MAP3K9: variants seen among roughly 807,000 people sequenced by gnomAD.
MAP3K9 encodes mitogen-activated protein kinase kinase kinase 9, also known as mixed lineage kinase 1 (tyr and ser/thr specificity).
A neutral mutation model predicts 95.8 loss-of-function variants in MAP3K9; 46 were observed. The ratio of observed to expected loss-of-function variants is 0.48; its 90% CI spans 0.38 to 0.61. The LOEUF (loss-of-function observed/expected upper bound fraction) is 0.61. Ranked by LOEUF, MAP3K9 falls within the 20% of genes least tolerant of loss-of-function variation. The pLI, the probability that MAP3K9 is intolerant of heterozygous loss-of-function variation, is 0.00. For missense variants in MAP3K9, 1,296 were observed against 1,474.3 expected (o/e 0.88, Z 1.98); for synonymous variants, 533 against 593.8 (o/e 0.90, Z 1.49).
rs368475670 is a variant in MAP3K9, at chr14:70,800,977, C to A, written c.510G>T (p.Val170=). The A allele has an allele frequency of 6.2e-6, 10 of 1,614,056 alleles. No homozygotes were observed. In the African/African-American group the frequency reaches 1.2e-4, roughly 19 times the overall value. The change falls in exon 2 of 12, where the codon GTG becomes GTT. Residue 170 remains valine (V), a synonymous_variant. Coordinates refer to ENST00000554752, the MANE Select transcript of MAP3K9 (RefSeq NM_001284230.2). The part of the protein sequence containing the change: ...RAFWIGDEVA[V]KAARHDPDED... ...CATCAGGGTCGTGGCGAGCTGCTTT[C>A]ACAGCAACCTCATCCCCTATCCAGA...
In MAP3K9 at chr14:70,725,178, C is replaced by T. The variant is rs184479811; in HGVS notation, c.*5202G>A. The stretch of plus-strand genomic sequence containing the variant: ...CAGGCTCCCCGTAGGGGATGGGGAA[C>T]CACAGACAGTAAGAATCAGGAAGGA... On this transcript the variant is annotated 3_prime_UTR_variant, in exon 12 of 12. Coordinates refer to ENST00000554752, the MANE Select transcript of MAP3K9 (RefSeq NM_001284230.2). 1 of 152,354 alleles carries T rather than the reference C, an allele frequency of 6.6e-6. No homozygotes were observed. The highest frequency in any genetic ancestry group is 1.5e-5 in the Non-Finnish European group (1 of 68,172). The allele number at this position is 152,354 out of a possible 1,614,324, so 9.4% of individuals were successfully genotyped here. A position where few individuals can be genotyped will look rare whatever the true frequency, so the allele number is the denominator to read the frequency against.
intron 2 of MAP3K9, among the ~76,000 whole-genome samples, chr14:70,793,787 C>T (rs986818657): frequency 6.6e-6 from 1 of 152,076 alleles, no homozygotes; most frequent in African/African-American, 2.4e-5. Context: ...CTCCTGAAAT[C>T]ATAGCCAAAA....
Position 70,748,809 on chromosome 14 carries a change from GTT to G in MAP3K9, c.1326+18_1326+19del. The G allele has an allele frequency of 6.4e-7, 1 of 1,573,666 alleles. No homozygotes were observed. ...TTTTCTTTTCGTTCGTTTTTTTGTT[GTT>G]TTTTTTGTTTTGTTTACCTTTTCTT... On this transcript the variant is annotated intron_variant, in intron 5 of 11. Transcript: ENST00000554752.
intron 5 of MAP3K9, among the ~76,000 whole-genome samples, chr14:70,746,330 A>C (rs1386690330): frequency 6.6e-6 from 1 of 152,234 alleles, no homozygotes; most frequent in African/African-American, 2.4e-5. Flanking sequence ...AAACTTGTGG[A>C]ATATATGCCT....
In MAP3K9 at chr14:70,730,088, T is replaced by C. The variant is rs2053872592; in HGVS notation, c.*292A>G. ...TGGCTGAGTGACTCTGCAGGGTCACTCTAAAGGCAAGGAAGACTGTGGAGG... is the reference window on the plus strand; with the variant it reads ...TGGCTGAGTGACTCTGCAGGGTCACCCTAAAGGCAAGGAAGACTGTGGAGG... On this transcript the variant is annotated 3_prime_UTR_variant, in exon 12 of 12. Coordinates refer to ENST00000554752, the MANE Select transcript of MAP3K9 (RefSeq NM_001284230.2). 2 of 403,568 alleles carry C rather than the reference T, an allele frequency of 5.0e-6. No homozygotes were observed. Among genetic ancestry groups the C allele is most frequent in the Non-Finnish European group, 4.5e-6 (1 of 219,846 alleles). The allele number at this position is 403,568 out of a possible 1,614,324, so 25.0% of individuals were successfully genotyped here.
intron 1 of MAP3K9, among the ~76,000 whole-genome samples, chr14:70,807,234 G>A (rs1368410255): frequency 6.6e-6 from 1 of 152,224 alleles, no homozygotes; most frequent in Non-Finnish European, 1.5e-5. Flanking sequence ...GCTCACGCCT[G>A]TAATCCAACA....
chr14:70,796,844 A>T (rs1052188533), intron 2 of MAP3K9, among the ~76,000 whole-genome samples: 1 of 152,226 alleles, frequency 6.6e-6, no homozygotes, highest in African/African-American at 2.4e-5. Flanking sequence ...CCTGGGTCCC[A>T]GATGACAATA....
chr14:70,760,863 T>C (rs563084760), intron 3 of MAP3K9, 139 bp downstream of exon 3: 15 of 812,590 alleles, frequency 1.8e-5, no homozygotes, highest in African/African-American at 3.4e-5. Flanking sequence ...GGAATTGGCA[T>C]AGATGACTCT....
chr14:70,737,523 A>G (rs542305078), intron 8 of MAP3K9, among the ~76,000 whole-genome samples: 10 of 152,282 alleles, frequency 6.6e-5, no homozygotes, highest in Non-Finnish European at 1.5e-4. Flanking sequence ...TGAGAACACA[A>G]GCACACTCCA....
chr14:70,749,811 C>T (rs1353933342), intron 4 of MAP3K9, 122 bp downstream of exon 4: 1 of 1,217,632 alleles, frequency 8.2e-7, no homozygotes, highest in East Asian at 2.3e-5. Flanking sequence ...AGGATTCCTC[C>T]TTAGGTGACT....
At chr14:70,744,836 C>A (rs144669025) in intron 5 of MAP3K9, among the ~76,000 whole-genome samples, 43 of 152,276 alleles carry the variant, frequency 2.8e-4, no homozygotes, top group African/African-American at 1.0e-3. Context: ...GGAACTGGGA[C>A]AAAGTCCCAT....
chr14:70,768,400 A>C (rs1182114385), intron 2 of MAP3K9, among the ~76,000 whole-genome samples: 1 of 152,210 alleles, frequency 6.6e-6, no homozygotes, highest in East Asian at 1.9e-4. Flanking sequence ...AACAAATAAA[A>C]TGAAACAAAA....
At chr14:70,771,007 T>C (rs1023536869) in intron 2 of MAP3K9, among the ~76,000 whole-genome samples, 2 of 152,132 alleles carry the variant, frequency 1.3e-5, no homozygotes. Flanking sequence ...GGCAGTCAAG[T>C]GGCTGCATAA....
intron 2 of MAP3K9, among the ~76,000 whole-genome samples, chr14:70,777,399 T>C: frequency 6.6e-6 from 1 of 152,276 alleles, no homozygotes. Flanking sequence ...CCAAAACCTC[T>C]GGACCCCAGC....
chr14:70,748,352 T>C (rs1218243744), intron 5 of MAP3K9, among the ~76,000 whole-genome samples: 5 of 152,248 alleles, frequency 3.3e-5, no homozygotes, highest in Non-Finnish European at 5.9e-5. Context: ...AACTCCCTGG[T>C]TGGTTTGGGC....
Position 70,742,574 on chromosome 14 carries a change from C to T in MAP3K9, c.1344G>A (p.Glu448=). 3.7e-6 allele frequency: 6 copies of T among 1,614,058 alleles called. No individual in the cohort carries two copies. Among genetic ancestry groups the T allele is most frequent in the Non-Finnish European group, 5.1e-6 (6 of 1,179,968 alleles). Residue 448 remains glutamate (E), a synonymous_variant, in exon 6 of 12, where the codon GAG becomes GAA. Transcript: ENST00000554752. The part of the protein sequence containing the change: ...RAKEKELRTW[E]EELTRAALQQ... Reference sequence around the variant, plus strand: ...GCAGTGCAGCCCGCGTCAGCTCCTCCTCCCAGGTGCGAAGTTCCTGCAGGA... The same window carrying T: ...GCAGTGCAGCCCGCGTCAGCTCCTCTTCCCAGGTGCGAAGTTCCTGCAGGA...
intron 2 of MAP3K9, among the ~76,000 whole-genome samples, chr14:70,790,929 A>C (rs1489235238): frequency 1.3e-5 from 2 of 152,228 alleles, no homozygotes; most frequent in African/African-American, 4.8e-5. Context: ...TTTTTCCAAG[A>C]GATGAGGAGG....
At chr14:70,807,474 C>T (rs747895388) in intron 1 of MAP3K9, among the ~76,000 whole-genome samples, 1 of 151,958 alleles carries the variant, frequency 6.6e-6, no homozygotes, top group Non-Finnish European at 1.5e-5. Context: ...TGGGAGACAA[C>T]GAGACTGTCT....
intron 5 of MAP3K9, among the ~76,000 whole-genome samples, chr14:70,745,167 C>T (rs2054128707): frequency 6.6e-6 from 1 of 152,112 alleles, no homozygotes; most frequent in South Asian, 2.1e-4. Context: ...CAGGATATTT[C>T]TTCAGTAAAG....
Sources: allele counts gnomAD v4.1 joint callset (sites outside exome capture counted in the v4.1 genomes callset), GRCh38; gene constraint gnomAD v4.1.1; transcripts MANE v1.5; gene names NCBI Gene and HGNC (gene_info 2026-07-23, HGNC 2026-07-21).